The following ASAP1 variants were observed in gnomAD, a reference collection of about 807,000 sequenced individuals.
ASAP1 encodes arf-GAP with SH3 domain, ANK repeat and PH domain-containing protein 1.
ASAP1 carries 43 observed loss-of-function variants against 145.2 expected under a neutral mutation model. The observed-to-expected ratio is 0.30, with a 90% CI of 0.23 to 0.38. The LOEUF (loss-of-function observed/expected upper bound fraction) is 0.38, where lower values mean the gene tolerates loss of function less well. Ranked by LOEUF, ASAP1 falls within the 10% of genes least tolerant of loss-of-function variation. The probability of loss-of-function intolerance (pLI) is 1.00; values close to 1 mark genes in which losing one functional copy is unlikely to be tolerated. For missense variants in ASAP1, 1,018 were observed against 1,355.3 expected (o/e 0.75, Z 3.91); for synonymous variants, 546 against 515.5 (o/e 1.06, Z -0.80).
chr8:130,060,678 C>G lies in ASAP1; in HGVS notation c.3093G>C (p.Gln1031His). 2 of 1,614,164 alleles carry G rather than the reference C, an allele frequency of 1.2e-6. No individual in the cohort carries two copies. Among genetic ancestry groups the G allele is most frequent in the Non-Finnish European group, 1.7e-6 (2 of 1,180,034 alleles). ...SHPLDLSPNV[Q>H]SRDAIQKQAS... Reference sequence around the variant, plus strand: ...CTTGCTTTTGGATGGCGTCTCTGGACTGCACATTTGGGGATAGATCCAATG... The same window carrying G: ...CTTGCTTTTGGATGGCGTCTCTGGAGTGCACATTTGGGGATAGATCCAATG... The change falls in exon 28 of 30, where the codon CAG becomes CAC. Residue 1031 changes from glutamine (Q) to histidine (H), a missense_variant. Around this residue, in one of 9 missense-constraint regions of ASAP1, gnomAD observed 139 missense variants for 131.0 expected, o/e 1.06. Coordinates refer to ENST00000518721, the MANE Select transcript of ASAP1 (RefSeq NM_018482.4).
At chr8:130,309,308 C>A (rs1379438817) in intron 3 of ASAP1, among the ~76,000 whole-genome samples, 1 of 152,128 alleles carries the variant, frequency 6.6e-6, no homozygotes, top group African/African-American at 2.4e-5. Flanking sequence ...CAGAGGTACA[C>A]AATTTCCTAT....
chr8:130,135,121 A>G (rs1455736896), intron 14 of ASAP1, among the ~76,000 whole-genome samples: 1 of 152,190 alleles, frequency 6.6e-6, no homozygotes, highest in African/African-American at 2.4e-5. Flanking sequence ...TATCCTGAGC[A>G]CTTCCTGTGT....
rs545063478 is a variant in ASAP1 at position 130,243,038 on chromosome 8, T to C, written c.187-6044A>G. On this transcript the variant is annotated intron_variant, in intron 3 of 29. Coordinates refer to ENST00000518721, the MANE Select transcript of ASAP1 (RefSeq NM_018482.4). ...GCACTTATTCATCCACTCAGTGTGC[T>C]AGACGCTTCAACAGGCACCAGCCAA... Among the ~76,000 whole-genome samples the C allele has an allele frequency of 1.2e-4, 19 of 152,258 alleles. 1 individual carries two copies. Among genetic ancestry groups the C allele is most frequent in the African/African-American group, 4.6e-4 (19 of 41,552 alleles).
chr8:130,100,846 G>A (rs1251950561), intron 24 of ASAP1, among the ~76,000 whole-genome samples: 2 of 152,086 alleles, frequency 1.3e-5, no homozygotes, highest in Non-Finnish European at 1.5e-5. Context: ...GTTTGATATC[G>A]TCTGCTTTGT....
intron 3 of ASAP1, among the ~76,000 whole-genome samples, chr8:130,354,237 T>TA (rs1264330473): frequency 2.0e-5 from 3 of 152,164 alleles, no homozygotes; most frequent in Non-Finnish European, 4.4e-5. Context: ...CACTTGACCT[T>TA]AGAGAGAAAT....
chr8:130,327,466 C>A (rs1020235037), intron 3 of ASAP1, among the ~76,000 whole-genome samples: 6 of 152,122 alleles, frequency 3.9e-5, no homozygotes, highest in African/African-American at 1.4e-4. Flanking sequence ...ACAGCACAGG[C>A]ATGTAAGACC....
intron 2 of ASAP1, among the ~76,000 whole-genome samples, chr8:130,387,254 C>T (rs1330741129): frequency 1.3e-5 from 2 of 152,046 alleles, no homozygotes; most frequent in African/African-American, 4.8e-5. Context: ...AACCCAGGTC[C>T]GGCGAAAGTG....
chr8:130,310,264 C>T (rs1333093017), intron 3 of ASAP1, among the ~76,000 whole-genome samples: 1 of 152,000 alleles, frequency 6.6e-6, no homozygotes, highest in East Asian at 1.9e-4. Context: ...TGGGCTCAGA[C>T]AACAGAATTA....
At chr8:130,178,477 G>C (rs1485774232) in intron 9 of ASAP1, among the ~76,000 whole-genome samples, 1 of 152,226 alleles carries the variant, frequency 6.6e-6, no homozygotes, top group Non-Finnish European at 1.5e-5. Flanking sequence ...AATGGTGCCA[G>C]TGTAGAACAA....
At chr8:130,335,944 C>A (rs1289641548) in intron 3 of ASAP1, among the ~76,000 whole-genome samples, 1 of 152,114 alleles carries the variant, frequency 6.6e-6, no homozygotes, top group Non-Finnish European at 1.5e-5. Context: ...GAACTCCAAG[C>A]AACTTAATGG....
At chr8:130,311,468 A>G (rs565625254) in intron 3 of ASAP1, among the ~76,000 whole-genome samples, 2 of 152,352 alleles carry the variant, frequency 1.3e-5, no homozygotes, top group East Asian at 1.9e-4. Context: ...GTACTTAAAA[A>G]GGGCAAAATA....
chr8:130,343,856 G>T (rs1450297647), intron 3 of ASAP1, among the ~76,000 whole-genome samples: 1 of 152,200 alleles, frequency 6.6e-6, no homozygotes, highest in African/African-American at 2.4e-5. Flanking sequence ...TAATGAAGTG[G>T]AAATGTTCAT....
At chr8:130,294,940 G>C (rs1822170742) in intron 3 of ASAP1, among the ~76,000 whole-genome samples, 1 of 152,188 alleles carries the variant, frequency 6.6e-6, no homozygotes, top group African/African-American at 2.4e-5. Context: ...ATGTGGACAG[G>C]GTTGTTGGAT....
chr8:130,122,748 C>T (rs994683027), intron 18 of ASAP1, among the ~76,000 whole-genome samples: 1 of 152,176 alleles, frequency 6.6e-6, no homozygotes, highest in Non-Finnish European at 1.5e-5. Flanking sequence ...GAATCACAGA[C>T]ATTTTGAAGG....
chr8:130,257,136 G>A (rs1378101745), intron 3 of ASAP1, among the ~76,000 whole-genome samples: 1 of 151,876 alleles, frequency 6.6e-6, no homozygotes, highest in African/African-American at 2.4e-5. Flanking sequence ...TATGTCTTTG[G>A]AGCCTGTGTG....
intron 13 of ASAP1, among the ~76,000 whole-genome samples, chr8:130,141,969 C>T (rs1412595616): frequency 6.6e-6 from 1 of 152,150 alleles, no homozygotes; most frequent in Non-Finnish European, 1.5e-5. Flanking sequence ...CCTCCTGCCT[C>T]AGCCTCTCAA....
rs968594234 is a variant in ASAP1 at position 130,433,053 on chromosome 8, A to G, written c.-28+10407T>C. Among the ~76,000 whole-genome samples the G allele has an allele frequency of 2.6e-5, 4 of 152,182 alleles. No homozygotes were observed. The East Asian group carries it at 7.7e-4, about 29-fold the overall frequency. ...TATCCCACATCTCCACCCTGCTGCCATTCTATTTTAGGGCTGAGGAAGTAA... is the reference window on the plus strand; with the variant it reads ...TATCCCACATCTCCACCCTGCTGCCGTTCTATTTTAGGGCTGAGGAAGTAA... On this transcript the variant is annotated intron_variant, in intron 1 of 29. Coordinates refer to ENST00000518721, the MANE Select transcript of ASAP1 (RefSeq NM_018482.4).
chr8:130,211,522 T>TA (rs1159944486), intron 5 of ASAP1, among the ~76,000 whole-genome samples: 2 of 152,240 alleles, frequency 1.3e-5, no homozygotes, highest in Non-Finnish European at 2.9e-5. Context: ...CAGAAACTGA[T>TA]AAACACAATA....
chr8:130,099,472 G>A (rs1471071338), intron 24 of ASAP1, among the ~76,000 whole-genome samples: 1 of 151,916 alleles, frequency 6.6e-6, no homozygotes, highest in African/African-American at 2.4e-5. Context: ...GAGCCACTGC[G>A]CCCGGCCAGG....
Sources: allele counts gnomAD v4.1 joint callset (sites outside exome capture counted in the v4.1 genomes callset), GRCh38; gene constraint gnomAD v4.1.1; regional missense constraint gnomAD v4.1.1; transcripts MANE v1.5; gene names NCBI Gene and HGNC (gene_info 2026-07-23, HGNC 2026-07-21).